Variants in MKKS observed in about 807,000 individuals in gnomAD.
MKKS encodes the protein molecular chaperone MKKS.
A neutral mutation model predicts 33.2 loss-of-function variants in MKKS; 29 were observed. The ratio of observed to expected loss-of-function variants is 0.87; its 90% CI spans 0.65 to 1.19. MKKS has a LOEUF of 1.19. MKKS is among the 50% of genes most tolerant of loss of function. The pLI, the probability that MKKS is intolerant of heterozygous loss-of-function variation, is 0.00. For missense variants in MKKS, 661 were observed against 662.3 expected, an observed-to-expected ratio of 1.00 and a Z score of 0.02; for synonymous variants, 260 against 244.0, an observed-to-expected ratio of 1.07 and a Z score of -0.61.
At position 10,407,778 on chromosome 20, in the gene MKKS, A is replaced by G. The variant is rs45529338; in HGVS notation, c.1162-52T>C. 4,599 of 1,329,952 alleles carry G rather than the reference A, an allele frequency of 3.5e-3. 13 individuals carry two copies. Among genetic ancestry groups the G allele is most frequent in the Non-Finnish European group, 4.5e-3 (4,179 of 934,092 alleles). 82.4% of individuals were successfully genotyped at this position (1,329,952 alleles called of 1,614,324 possible). A position where few individuals can be genotyped will look rare whatever the true frequency, so the allele number is the denominator to read the frequency against. ...TCAGACGTTCACATCATATTAACACACAAAAAATCATGCTCTCAAAGCATC... is the reference window on the plus strand; with the variant it reads ...TCAGACGTTCACATCATATTAACACGCAAAAAATCATGCTCTCAAAGCATC... On this transcript the variant is annotated intron_variant, in intron 4 of 5. Transcript: ENST00000347364.
rs1364395693 is a variant in MKKS at position 10,402,606 on chromosome 20, T to C, written c.*2641A>G. On this transcript the variant is annotated 3_prime_UTR_variant, in exon 6 of 6. Transcript: ENST00000347364. ...TTTAAAAAGTGGCTATCGTGAAAAG[T>C]AGAAGCCCCTAATCTATAAGATCAA... 3.3e-5 allele frequency: 5 copies of C among 152,200 alleles called. No homozygotes were observed. The highest frequency in any genetic ancestry group is 1.2e-4 in the African/African-American group (5 of 41,444). 9.4% of individuals were successfully genotyped at this position (152,200 alleles called of 1,614,324 possible).
intron 1 of MKKS, among the ~76,000 whole-genome samples, chr20:10,425,198 T>A (rs2065007781): frequency 6.6e-6 from 1 of 152,344 alleles, no homozygotes; most frequent in South Asian, 2.1e-4. Context: ...AAAAATGTGA[T>A]CATGATACAC....
At chr20:10,431,357 T>C (rs1425590888) in intron 1 of MKKS, among the ~76,000 whole-genome samples, 1 of 152,166 alleles carries the variant, frequency 6.6e-6, no homozygotes, top group Non-Finnish European at 1.5e-5. Flanking sequence ...ACAAGATTAA[T>C]TCTATCCAAA....
rs2064809709 is a variant in MKKS, at chr20:10,401,103, C to A, written c.*4144G>T. ...AAGCTGTTTTATTTCCCTCTAAATT[C>A]ACACTTCATTACAGGTAATATAGTA... On this transcript the variant is annotated 3_prime_UTR_variant, in exon 6 of 6. Transcript: ENST00000347364. 1 of 152,120 alleles carries A rather than the reference C, an allele frequency of 6.6e-6. No individual in the cohort carries two copies. The highest frequency in any genetic ancestry group is 6.5e-5 in the Admixed American group (1 of 15,274). The allele number at this position is 152,120 out of a possible 1,614,324, so 9.4% of individuals were successfully genotyped here. A position where few individuals can be genotyped will look rare whatever the true frequency, so the allele number is the denominator to read the frequency against.
In MKKS at chr20:10,401,326, T is replaced by C. The variant is rs2064810800; in HGVS notation, c.*3921A>G. ...TGCATCTAAATTCAAATTCTGTAGA[T>C]GATTGGCAAAAACTTCCATTATGGG... is the stretch of plus-strand genomic sequence containing the variant. On this transcript the variant is annotated 3_prime_UTR_variant, in exon 6 of 6. Coordinates refer to ENST00000347364, the MANE Select transcript of MKKS (RefSeq NM_170784.3). 1 of 152,168 alleles carries C rather than the reference T, an allele frequency of 6.6e-6. No homozygotes were observed. The highest frequency in any genetic ancestry group is 2.1e-4 in the South Asian group (1 of 4,828). 9.4% of individuals were successfully genotyped at this position (152,168 alleles called of 1,614,324 possible). A position where few individuals can be genotyped will look rare whatever the true frequency, so the allele number is the denominator to read the frequency against.
At chr20:10,429,257 T>C (rs1015774339) in intron 1 of MKKS, among the ~76,000 whole-genome samples, 1 of 152,220 alleles carries the variant, frequency 6.6e-6, no homozygotes, top group African/African-American at 2.4e-5. Flanking sequence ...AGCCTTTTGA[T>C]GTGTTCTTGA....
rs940845346 is a variant in MKKS, at chr20:10,404,123, T to G, written c.*1124A>C. On this transcript the variant is annotated 3_prime_UTR_variant, in exon 6 of 6. Coordinates refer to ENST00000347364, the MANE Select transcript of MKKS (RefSeq NM_170784.3). ...TGTGGCTGCCTTCTATATTTCTTCT[T>G]CAATTTATCAATACATCTTATATTT... 7.9e-5 allele frequency: 12 copies of G among 152,210 alleles called. No individual in the cohort carries two copies. The highest frequency in any genetic ancestry group is 1.6e-4 in the Non-Finnish European group (11 of 68,042). 9.4% of individuals were successfully genotyped at this position (152,210 alleles called of 1,614,324 possible).
rs1316812869 is a variant in MKKS, at chr20:10,403,479, C to T, written c.*1768G>A. 1.3e-5 allele frequency: 2 copies of T among 152,120 alleles called. No homozygotes were observed. Among genetic ancestry groups the T allele is most frequent in the Non-Finnish European group, 2.9e-5 (2 of 68,034 alleles). The allele number at this position is 152,120 out of a possible 1,614,324, so 9.4% of individuals were successfully genotyped here. A position where few individuals can be genotyped will look rare whatever the true frequency, so the allele number is the denominator to read the frequency against. ...CAGAATCTCATAATTGGAATCAAGT[C>T]AGGGTGATATCATAACTGGAATCAC... is the stretch of plus-strand genomic sequence containing the variant. On this transcript the variant is annotated 3_prime_UTR_variant, in exon 6 of 6. Coordinates refer to ENST00000347364, the MANE Select transcript of MKKS (RefSeq NM_170784.3).
intron 1 of MKKS, among the ~76,000 whole-genome samples, chr20:10,431,527 A>AAAACCAAACC (rs60563851): frequency 0.014 from 2,039 of 150,836 alleles, 46 homozygotes; most frequent in African/African-American, 0.042. Context: ...ATAGGGTCAA[A>AAAACCAAACC]AAACCAAACC....
intron 1 of MKKS, among the ~76,000 whole-genome samples, chr20:10,422,570 G>A (rs2064988071): frequency 1.3e-5 from 2 of 152,170 alleles, no homozygotes; most frequent in Admixed American, 6.5e-5. Context: ...CAGCTGGCCT[G>A]TGTTGATTGA....
chr20:10,428,840 T>C (rs1450431918), intron 1 of MKKS, among the ~76,000 whole-genome samples: 3 of 90,326 alleles, frequency 3.3e-5, no homozygotes, highest in Non-Finnish European at 7.6e-5. Context: ...CAAGACTCCG[T>C]CTCAATAAAT....
chr20:10,401,269 T>A lies in MKKS; in HGVS notation c.*3978A>T, dbSNP rs2064810597. The A allele has an allele frequency of 6.6e-6, 1 of 152,214 alleles. No homozygotes were observed. The highest frequency in any genetic ancestry group is 2.4e-5 in the African/African-American group (1 of 41,466). 9.4% of individuals were successfully genotyped at this position (152,214 alleles called of 1,614,324 possible). A position where few individuals can be genotyped will look rare whatever the true frequency, so the allele number is the denominator to read the frequency against. On this transcript the variant is annotated 3_prime_UTR_variant, in exon 6 of 6. Transcript: ENST00000347364. ...GTAAAGCAGCATATAAATCTACTTA[T>A]AATCCAAAAGTAGGCTAACATTGGG... is the stretch of plus-strand genomic sequence containing the variant.
rs1370708750 is a variant in MKKS at position 10,403,541 on chromosome 20, T to C, written c.*1706A>G. 1.3e-5 allele frequency: 2 copies of C among 152,188 alleles called. No individual in the cohort carries two copies. Among genetic ancestry groups the C allele is most frequent in the African/African-American group, 4.8e-5 (2 of 41,434 alleles). The allele number at this position is 152,188 out of a possible 1,614,324, so 9.4% of individuals were successfully genotyped here. On this transcript the variant is annotated 3_prime_UTR_variant, in exon 6 of 6. Transcript: ENST00000347364. ...TCAGGAGGTAGTTCTTTAAGTACAG[T>C]TCCTGGAACACAGTTGCTTTCCATC...
intron 5 of MKKS, 117 bp downstream of exon 5, chr20:10,407,499 G>A: frequency 1.1e-6 from 1 of 872,456 alleles, no homozygotes; most frequent in Non-Finnish European, 1.9e-6. Flanking sequence ...ATGCACCCCT[G>A]AACCTAAAAG....
At chr20:10,421,361 T>C (rs1051679996) in intron 1 of MKKS, among the ~76,000 whole-genome samples, 1 of 150,120 alleles carries the variant, frequency 6.7e-6, no homozygotes, top group East Asian at 1.9e-4. Context: ...GAGGTGGAGG[T>C]TGCAGTGAGC....
intron 1 of MKKS, among the ~76,000 whole-genome samples, chr20:10,431,232 T>G (rs2065051786): frequency 6.6e-6 from 1 of 152,160 alleles, no homozygotes; most frequent in African/African-American, 2.4e-5. Context: ...ATATTTTGAC[T>G]AAAATTGGGT....
chr20:10,412,625 A>G lies in MKKS; in HGVS notation c.890T>C (p.Ile297Thr), dbSNP rs147704542. ...GAGAAACTGCTTCAAAGATGGATGT[A>G]TAACTTTTTGGCACAGGACAAGATC... ...HVDLVLCQKV[I>T]HPSLKQFLNM... Residue 297 changes from isoleucine to threonine, a missense_variant, in exon 3 of 6, where the codon ATA becomes ACA. By Grantham distance (89) the Ile-to-Thr change is moderately conservative. Coordinates refer to ENST00000347364, the MANE Select transcript of MKKS (RefSeq NM_170784.3). 1.3e-5 allele frequency: 21 copies of G among 1,614,064 alleles called. No individual in the cohort carries two copies. The highest frequency in any genetic ancestry group is 2.2e-5 in the South Asian group (2 of 91,094).
Position 10,413,634 on chromosome 20 carries a change from G to A in MKKS, c.-120C>T, listed in dbSNP as rs1338982030. 3 of 1,119,008 alleles carry A rather than the reference G, an allele frequency of 2.7e-6. No homozygotes were observed. The African/African-American group carries it at 4.7e-5, about 17-fold the overall frequency. The allele number at this position is 1,119,008 out of a possible 1,614,324, so 69.3% of individuals were successfully genotyped here. On this transcript the variant is annotated 5_prime_UTR_variant, in exon 3 of 6. Transcript: ENST00000347364. ...TCTTTAGGAATTAAAGTATGAATAT[G>A]CAGCATTGTGGCTATAAAATCAAAA...
intron 3 of MKKS, among the ~76,000 whole-genome samples, chr20:10,411,459 A>G (rs6133914): frequency 0.14 from 21,946 of 152,028 alleles, 1,763 homozygotes; most frequent in East Asian, 0.24. Context: ...GTATTCACAA[A>G]CTGGAAATTG....
Sources: allele counts gnomAD v4.1 joint callset (sites outside exome capture counted in the v4.1 genomes callset), GRCh38; gene constraint gnomAD v4.1.1; transcripts MANE v1.5; gene names NCBI Gene and HGNC (gene_info 2026-07-23, HGNC 2026-07-21).